Variants in RBMS3 observed in about 807,000 individuals in gnomAD.
RBMS3 encodes RNA binding motif single stranded interacting protein 3.
A neutral mutation model predicts 66.8 loss-of-function variants in RBMS3; 27 were observed. The observed-to-expected ratio is 0.40, with a 90% confidence interval of 0.30 to 0.56. The LOEUF (loss-of-function observed/expected upper bound fraction) is 0.56. Among genes scored for constraint, RBMS3 ranks in the 20% least tolerant of loss-of-function variants. The pLI, the probability that RBMS3 is intolerant of heterozygous loss-of-function variation, is 0.40. For synonymous variants in RBMS3, 188 were observed against 183.0 expected, an observed-to-expected ratio of 1.03 and a Z score of -0.22; for missense variants, 513 against 549.5, an observed-to-expected ratio of 0.93 and a Z score of 0.66.
chr3:29,570,591 A>T (rs1308985361), intron 3 of RBMS3, among the ~76,000 whole-genome samples: 86 of 152,064 alleles, frequency 5.7e-4, no homozygotes, highest in Non-Finnish European at 7.4e-5. Context: ...TTTTTCTGTT[A>T]CTGGCTTATT....
At chr3:29,745,557 C>A (rs1225789911) in intron 5 of RBMS3, among the ~76,000 whole-genome samples, 3 of 151,628 alleles carry the variant, frequency 2.0e-5, no homozygotes, top group African/African-American at 4.9e-5. Context: ...TATGAGAGGC[C>A]AGTAAAGAAT....
intron 1 of RBMS3, among the ~76,000 whole-genome samples, chr3:29,350,448 T>C (rs1318927901): frequency 6.6e-6 from 1 of 152,186 alleles, no homozygotes; most frequent in East Asian, 1.9e-4. Flanking sequence ...TAAAGTAAAC[T>C]AATTTCAGTT....
chr3:29,904,129 A>G (rs1212847381), intron 10 of RBMS3, among the ~76,000 whole-genome samples: 1 of 151,956 alleles, frequency 6.6e-6, no homozygotes, highest in African/African-American at 2.4e-5. Context: ...CTACCGTTAA[A>G]TATAACTTCA....
intron 3 of RBMS3, among the ~76,000 whole-genome samples, chr3:29,521,420 C>T (rs773624066): frequency 2.0e-5 from 3 of 152,094 alleles, no homozygotes; most frequent in Admixed American, 6.6e-5. Flanking sequence ...TTTGCTTTCT[C>T]GTATTGGGCT....
rs974819386 is a variant in RBMS3 at position 29,665,233 on chromosome 3, C to T, written c.400-74487C>T. 7.2e-5 allele frequency among the ~76,000 whole-genome samples: 11 copies of T among 152,250 alleles called. No individual in the cohort carries two copies. The East Asian group carries it at 2.1e-3, about 29-fold the overall frequency. On this transcript the variant is annotated intron_variant, in intron 4 of 14. Coordinates refer to ENST00000383767, the MANE Select transcript of RBMS3 (RefSeq NM_001003793.3). ...TTCAAACTCTTCCTTACTAATTTTA[C>T]TGTTACTTTTTAAACATGAGGCTGC... is the stretch of plus-strand genomic sequence containing the variant.
intron 4 of RBMS3, among the ~76,000 whole-genome samples, chr3:29,634,438 G>A (rs2049399386): frequency 6.6e-6 from 1 of 151,740 alleles, no homozygotes; most frequent in African/African-American, 2.4e-5. Context: ...GAAAATAGCT[G>A]GTTGCGAACA....
At chr3:29,956,692 T>C (rs1490982011) in intron 12 of RBMS3, among the ~76,000 whole-genome samples, 2 of 152,152 alleles carry the variant, frequency 1.3e-5, no homozygotes, top group African/African-American at 4.8e-5. Context: ...GTAACTGCCA[T>C]CCTTTGGCAG....
At chr3:29,289,581 A>G (rs570942677) in intron 1 of RBMS3, among the ~76,000 whole-genome samples, 2 of 152,014 alleles carry the variant, frequency 1.3e-5, no homozygotes, top group Non-Finnish European at 2.9e-5. Context: ...CTTAAAGAAA[A>G]TATATCAAAT....
At chr3:29,405,256 A>T (rs1486869905) in intron 1 of RBMS3, among the ~76,000 whole-genome samples, 1 of 152,172 alleles carries the variant, frequency 6.6e-6, no homozygotes, top group Non-Finnish European at 1.5e-5. Context: ...TTCTCTGAGA[A>T]GACAGATCCT....
chr3:29,381,967 G>A (rs546126083), intron 1 of RBMS3, among the ~76,000 whole-genome samples: 1 of 152,030 alleles, frequency 6.6e-6, no homozygotes, highest in South Asian at 2.1e-4. Context: ...TTCCTTCCCT[G>A]TCTATCTCTT....
At chr3:29,897,276 T>C (rs905820983) in intron 8 of RBMS3, 103 bp from the exon 9 acceptor site, 12 of 988,694 alleles carry the variant, frequency 1.2e-5, no homozygotes, top group Non-Finnish European at 1.8e-5. Context: ...TGGAAAAACG[T>C]GCGGGTGGAA....
chr3:29,672,036 G>C (rs555527856), intron 4 of RBMS3, among the ~76,000 whole-genome samples: 1 of 152,302 alleles, frequency 6.6e-6, no homozygotes, highest in South Asian at 2.1e-4. Flanking sequence ...CAGCCAGAGA[G>C]AAAGGTCAGG....
At chr3:29,721,483 C>T (rs2053642448) in intron 4 of RBMS3, among the ~76,000 whole-genome samples, 1 of 152,060 alleles carries the variant, frequency 6.6e-6, no homozygotes, top group South Asian at 2.1e-4. Flanking sequence ...GGAGACATTC[C>T]TGTGTGTGTA....
chr3:29,701,083 C>T (rs1019149483), intron 4 of RBMS3, among the ~76,000 whole-genome samples: 1 of 152,042 alleles, frequency 6.6e-6, no homozygotes, highest in Non-Finnish European at 1.5e-5. Context: ...TCGAGACCAG[C>T]CTGGCCAACA....
chr3:29,696,393 C>G (rs1327999093), intron 4 of RBMS3, among the ~76,000 whole-genome samples: 1 of 151,866 alleles, frequency 6.6e-6, no homozygotes, highest in African/African-American at 2.4e-5. Flanking sequence ...ATTATTATTG[C>G]AAGCTAATTA....
chr3:29,336,087 A>G (rs1396415257), intron 1 of RBMS3, among the ~76,000 whole-genome samples: 1 of 152,210 alleles, frequency 6.6e-6, no homozygotes, highest in Non-Finnish European at 1.5e-5. Flanking sequence ...TCCATCTGGA[A>G]TGAATTCGGC....
chr3:29,835,343 A>T (rs2058477071), intron 6 of RBMS3, among the ~76,000 whole-genome samples: 1 of 152,014 alleles, frequency 6.6e-6, no homozygotes. Context: ...ATTCTTCTCA[A>T]GCATACACAA....
At chr3:29,882,369 C>G (rs755205110) in intron 7 of RBMS3, among the ~76,000 whole-genome samples, 2 of 152,114 alleles carry the variant, frequency 1.3e-5, no homozygotes, top group Non-Finnish European at 2.9e-5. Context: ...ATTCTCATTT[C>G]TCAGTCCCCC....
intron 3 of RBMS3, among the ~76,000 whole-genome samples, chr3:29,500,144 C>G (rs532064117): frequency 4.7e-5 from 7 of 148,468 alleles, no homozygotes; most frequent in Admixed American, 2.7e-4. Flanking sequence ...TATTAAGACA[C>G]TGTGGCATAA....
Sources: gnomAD v4.1 joint callset for allele counts (sites outside exome capture counted in the v4.1 genomes callset) on GRCh38, gnomAD v4.1.1 for gene constraint, MANE v1.5 for transcripts, NCBI Gene and HGNC (gene_info 2026-07-23, HGNC 2026-07-21) for gene names.